The following FSCN3 variants were observed in gnomAD, a reference collection of about 807,000 sequenced individuals.
The protein encoded by FSCN3 is fascin-3.
In FSCN3, 43 loss-of-function variants were observed where a neutral mutation model predicts 53.5. That is an observed-to-expected ratio of 0.80 (90% confidence interval 0.63 to 1.04). FSCN3 has a LOEUF of 1.04. Ranked by LOEUF, FSCN3 falls within the 50% of genes least tolerant of loss-of-function variation. FSCN3 has a pLI of 0.00. For missense variants in FSCN3, 594 were observed against 646.5 expected (o/e 0.92, Z 0.88); for synonymous variants, 235 against 246.6 (o/e 0.95, Z 0.44).
In FSCN3 at chr7:127,599,484, G is replaced by C; in HGVS notation, c.1224G>C (p.Gln408His). 3 of 1,614,154 alleles carry C rather than the reference G, an allele frequency of 1.9e-6. No homozygotes were observed. Among genetic ancestry groups the C allele is most frequent in the East Asian group, 2.2e-5 (1 of 44,880 alleles). ...VGSSSGHDLI[Q>H]CNQDQPDRIH... Reference sequence around the variant, plus strand: ...CCTCATCGGGCCATGACCTCATACAGTGCAACCAGGATCAGCCCGACCGCA... The same window carrying C: ...CCTCATCGGGCCATGACCTCATACACTGCAACCAGGATCAGCCCGACCGCA... The change falls in exon 5 of 7, where the codon CAG becomes CAC. Residue 408 changes from glutamine (Q) to histidine (H), a missense_variant. By Grantham distance (24) the Gln-to-His change is conservative. Transcript: ENST00000265825.
At position 127,599,466 on chromosome 7, in the gene FSCN3, G is replaced by T; in HGVS notation, c.1206G>T (p.Ser402=). Residue 402 remains serine, a synonymous_variant, in exon 5 of 7, where the codon TCG becomes TCT. Transcript: ENST00000265825. The part of the protein sequence containing the change: ...RGRYGYVGSS[S]GHDLIQCNQD... ...GTTATGGCTATGTGGGCTCCTCATC[G>T]GGCCATGACCTCATACAGTGCAACC... is the stretch of plus-strand genomic sequence containing the variant. 1 of 1,613,972 alleles carries T rather than the reference G, an allele frequency of 6.2e-7. No individual in the cohort carries two copies. Among genetic ancestry groups the T allele is most frequent in the Non-Finnish European group, 8.5e-7 (1 of 1,179,964 alleles).
intron 4 of FSCN3, among the ~76,000 whole-genome samples, chr7:127,598,952 T>C (rs1417944051): frequency 6.7e-6 from 1 of 148,870 alleles, no homozygotes; most frequent in Non-Finnish European, 1.5e-5. Flanking sequence ...AGAGCGAGAC[T>C]CTATCTCCAA....
intron 3 of FSCN3, 139 bp downstream of exon 3, chr7:127,596,585 A>C (rs1587541007): frequency 1.1e-5 from 5 of 468,940 alleles, no homozygotes; most frequent in South Asian, 5.5e-5. Context: ...ATTCATTTTC[A>C]CCCAATGGGG....
intron 4 of FSCN3, 105 bp downstream of exon 4, chr7:127,598,699 C>T (rs958520843): frequency 1.7e-5 from 16 of 966,956 alleles, no homozygotes; most frequent in Non-Finnish European, 2.5e-5. Flanking sequence ...GGCGTGGTGG[C>T]TCATGCCTGT....
In FSCN3 at chr7:127,595,684, C is replaced by T. The variant is rs1228373058; in HGVS notation, c.522C>T (p.Cys174=). 6.2e-7 allele frequency: 1 copy of T among 1,614,014 alleles called. No individual in the cohort carries two copies. The highest frequency in any genetic ancestry group is 1.1e-5 in the South Asian group (1 of 91,082). ...GRIWVDAAVP[C]LEECGFLLHF... ...TCTGGGTGGACGCAGCAGTTCCCTGCCTGGAGGAGTGTGGCTTCCTGTTGC... is the reference window on the plus strand; with the variant it reads ...TCTGGGTGGACGCAGCAGTTCCCTGTCTGGAGGAGTGTGGCTTCCTGTTGC... The change falls in exon 2 of 7, where the codon TGC becomes TGT. Residue 174 remains cysteine (C), a synonymous_variant. Coordinates refer to ENST00000265825, the MANE Select transcript of FSCN3 (RefSeq NM_020369.3).
intron 6 of FSCN3, 50 bp downstream of exon 6, chr7:127,600,449 A>C: frequency 8.9e-7 from 1 of 1,126,442 alleles, no homozygotes; most frequent in Non-Finnish European, 1.3e-6. Context: ...GCCATGGGGC[A>C]AGAGGAGAAG....
intron 4 of FSCN3, among the ~76,000 whole-genome samples, chr7:127,598,960 CA>C (rs572782813): frequency 0.059 from 7,004 of 118,030 alleles, 204 homozygotes; most frequent in Non-Finnish European, 0.082. Flanking sequence ...ACTCTATCTC[CA>C]AAAAAAAAAA....
chr7:127,594,067 C>T (rs806212), intron 1 of FSCN3, 70 bp downstream of exon 1: 542,771 of 1,511,856 alleles, frequency 0.36, 102,828 homozygotes, highest in East Asian at 0.75. Context: ...TGTGCGCGCG[C>T]GCGTGTGTGT....
chr7:127,601,455 T>G (rs1292130327), intron 6 of FSCN3, among the ~76,000 whole-genome samples, 168 bp from the exon 7 acceptor site: 2 of 152,250 alleles, frequency 1.3e-5, no homozygotes, highest in Non-Finnish European at 1.5e-5. Context: ...TTAAGCTTCT[T>G]CCTTTAAGTT....
At chr7:127,595,284 C>A in intron 1 of FSCN3, 23 bp from the exon 2 acceptor site, 1 of 1,582,908 alleles carries the variant, frequency 6.3e-7, no homozygotes, top group South Asian at 1.2e-5. Context: ...TGATTTCCCT[C>A]TTCTCCCTCC....
rs1423412664 is a variant in FSCN3, at chr7:127,593,766, GCCCTATT to G, written c.-85_-79del. ...TGGGAACATCTGGTGGGTACTACAG[GCCCTATT>G]CCAGGCCCTATGGCCTGTGGAACCT... On this transcript the variant is annotated 5_prime_UTR_variant, in exon 1 of 7. Coordinates refer to ENST00000265825, the MANE Select transcript of FSCN3 (RefSeq NM_020369.3). 1 of 1,437,782 alleles carries G rather than the reference GCCCTATT, an allele frequency of 7.0e-7. No homozygotes were observed. The highest frequency in any genetic ancestry group is 9.5e-7 in the Non-Finnish European group (1 of 1,057,458). 89.1% of individuals were successfully genotyped at this position (1,437,782 alleles called of 1,614,324 possible). A position where few individuals can be genotyped will look rare whatever the true frequency, so the allele number is the denominator to read the frequency against.
intron 4 of FSCN3, 72 bp downstream of exon 4, chr7:127,598,666 G>A (rs1269504273): frequency 7.5e-7 from 1 of 1,336,084 alleles, no homozygotes; most frequent in South Asian, 1.3e-5. Flanking sequence ...GAATATGATT[G>A]TTAAAAAGAG....
rs146611259 is a variant in FSCN3 at position 127,598,492 on chromosome 7, C to T, written c.1018C>T (p.Arg340Ter). The change falls in exon 4 of 7, where the codon CGA becomes TGA. Residue 340 changes from arginine (R) to a stop codon, truncating the protein, a stop_gained. Coordinates refer to ENST00000265825, the MANE Select transcript of FSCN3 (RefSeq NM_020369.3). LOFTEE classifies it high-confidence loss of function. ...CCCCCTGGAGTCTGACACGTTCTTC[C>T]GAATGCACTGGAACTGTGGCAGGAT... ...GHPLESDTFF[R>*]MHWNCGRIIL... The T allele has an allele frequency of 4.1e-5, 66 of 1,613,838 alleles. No homozygotes were observed. The highest frequency in any genetic ancestry group is 1.3e-4 in the African/African-American group (10 of 74,904).
chr7:127,599,661 ACAGGC>A lies in FSCN3; in HGVS notation c.1291+116_1291+120del, dbSNP rs1349439827. On this transcript the variant is annotated intron_variant, in intron 5 of 6. Transcript: ENST00000265825. ...GGGCTTGCTCATTATAAAAGGAAAAACAGGCCAGGCGCAGTGGCTCATGCCTGTAA... is the reference window on the plus strand; with the variant it reads ...GGGCTTGCTCATTATAAAAGGAAAAACAGGCGCAGTGGCTCATGCCTGTAA... The A allele has an allele frequency of 3.8e-6, 4 of 1,047,280 alleles. No homozygotes were observed. The African/African-American group carries it at 4.8e-5, about 12-fold the overall frequency. 64.9% of individuals were successfully genotyped at this position (1,047,280 alleles called of 1,614,324 possible).
chr7:127,595,056 A>G (rs1447039738), intron 1 of FSCN3: 2 of 584,500 alleles, frequency 3.4e-6, no homozygotes, highest in Non-Finnish European at 6.1e-6. Context: ...TGAAGGAGGT[A>G]GACATCTAGA....
intron 4 of FSCN3, among the ~76,000 whole-genome samples, chr7:127,598,995 G>A (rs1021258517): frequency 2.0e-5 from 3 of 151,796 alleles, no homozygotes; most frequent in African/African-American, 7.3e-5. Context: ...GTTGGGGTCG[G>A]AAGATTTGGG....
Position 127,593,924 on chromosome 7 carries a change from C to T in FSCN3, c.71C>T (p.Ala24Val). Residue 24 changes from alanine to valine, a missense_variant, in exon 1 of 7, where the codon GCA becomes GTA. Ala to Val is a moderately conservative substitution (Grantham distance 64). Coordinates refer to ENST00000265825, the MANE Select transcript of FSCN3 (RefSeq NM_020369.3). ...EDLRVGLISWAGTYLTFEACK... is the reference protein window; with the variant it reads ...EDLRVGLISWVGTYLTFEACK... ...CTAAGGGTTGGGCTCATCAGCTGGG[C>T]AGGAACCTACCTCACCTTTGAGGCA... 6.2e-7 allele frequency: 1 copy of T among 1,607,206 alleles called. No homozygotes were observed. The highest frequency in any genetic ancestry group is 8.5e-7 in the Non-Finnish European group (1 of 1,176,782).
intron 1 of FSCN3, chr7:127,594,500 G>C: frequency 4.2e-6 from 2 of 470,844 alleles, no homozygotes; most frequent in South Asian, 3.1e-5. Flanking sequence ...CCAGCACAGG[G>C]TGGTTGTGTC....
Position 127,596,336 on chromosome 7 carries a change from G to A in FSCN3, c.850G>A (p.Val284Met), listed in dbSNP as rs917200016. 1.9e-6 allele frequency: 3 copies of A among 1,608,294 alleles called. No homozygotes were observed. The African/African-American group carries it at 4.0e-5, about 22-fold the overall frequency. The change falls in exon 3 of 7, where the codon GTG becomes ATG. Residue 284 changes from valine to methionine, a missense_variant. Val to Met is a conservative substitution (Grantham distance 21). Transcript: ENST00000265825. ...RFISVIYDGE[V>M]RAASERLNRM... ...ATGCGCTTCCTCTGCAGATGGTGAG[G>A]TGCGTGCTGCTTCTGAGCGCTTAAA...
Sources: gnomAD v4.1 joint callset for allele counts (sites outside exome capture counted in the v4.1 genomes callset) on GRCh38, gnomAD v4.1.1 for gene constraint, MANE v1.5 for transcripts, NCBI Gene and HGNC (gene_info 2026-07-23, HGNC 2026-07-21) for gene names.